Variants in ADCY1 observed in about 807,000 individuals in gnomAD.
The protein encoded by ADCY1 is adenylate cyclase 1.
A neutral mutation model predicts 105.4 loss-of-function variants in ADCY1; 28 were observed. That is an observed-to-expected ratio of 0.27 (90% CI 0.20 to 0.36). ADCY1 has a LOEUF of 0.36. Ranked by LOEUF, ADCY1 falls within the 10% of genes least tolerant of loss-of-function variation. ADCY1 has a pLI of 1.00. For missense variants in ADCY1, 977 were observed against 1,434.2 expected, an observed-to-expected ratio of 0.68 and a Z score of 5.15; for synonymous variants, 655 against 623.8, an observed-to-expected ratio of 1.05 and a Z score of -0.75.
chr7:45,584,584 A>G (rs930821667), intron 1 of ADCY1, among the ~76,000 whole-genome samples: 2 of 152,198 alleles, frequency 1.3e-5, no homozygotes, highest in African/African-American at 4.8e-5. Flanking sequence ...GTCCCTGGAC[A>G]TGGTCCTTCT....
At chr7:45,683,098 A>T (rs1784593439) in intron 11 of ADCY1, among the ~76,000 whole-genome samples, 1 of 152,150 alleles carries the variant, frequency 6.6e-6, no homozygotes, top group Admixed American at 6.5e-5. Context: ...AAATAGAATG[A>T]CTGGTGTCCA....
chr7:45,587,502 C>A (rs778745180), intron 1 of ADCY1, among the ~76,000 whole-genome samples: 1 of 152,120 alleles, frequency 6.6e-6, no homozygotes, highest in Non-Finnish European at 1.5e-5. Context: ...TTGAGAAGGA[C>A]AGAGAGAGAA....
chr7:45,577,043 C>G (rs1340423864), intron 1 of ADCY1, among the ~76,000 whole-genome samples: 2 of 152,186 alleles, frequency 1.3e-5, no homozygotes, highest in East Asian at 3.9e-4. Flanking sequence ...AACTCTGCCT[C>G]TCCCCCTGGG....
intron 17 of ADCY1, among the ~76,000 whole-genome samples, chr7:45,705,813 A>G (rs1012052164): frequency 1.4e-4 from 21 of 152,332 alleles, no homozygotes; most frequent in African/African-American, 4.6e-4. Context: ...AACAACAGCA[A>G]TAACAGAAAA....
At chr7:45,672,106 A>G (rs1460383044) in intron 8 of ADCY1, among the ~76,000 whole-genome samples, 1 of 152,126 alleles carries the variant, frequency 6.6e-6, no homozygotes, top group African/African-American at 2.4e-5. Context: ...TTTTGAGTTC[A>G]TTTTTTAATA....
In ADCY1 at chr7:45,721,873, G is replaced by T; in HGVS notation, c.*7878G>T. ...AGGTTGCTTTCAAAAGAGCTTTCAG[G>T]CACTTATTGAGAATTAATGTTTAAA... On this transcript the variant is annotated 3_prime_UTR_variant, in exon 20 of 20. Coordinates refer to ENST00000297323, the MANE Select transcript of ADCY1 (RefSeq NM_021116.4). 1 of 398,602 alleles carries T rather than the reference G, an allele frequency of 2.5e-6. No individual in the cohort carries two copies. The highest frequency in any genetic ancestry group is 4.4e-6 in the Non-Finnish European group (1 of 226,084). 24.7% of individuals were successfully genotyped at this position (398,602 alleles called of 1,614,324 possible).
At chr7:45,630,349 G>T (rs1034455502) in intron 4 of ADCY1, among the ~76,000 whole-genome samples, 8 of 152,138 alleles carry the variant, frequency 5.3e-5, no homozygotes, top group African/African-American at 1.7e-4. Context: ...CTATAACTGT[G>T]TGTTGGTTTC....
rs1287229018 is a variant in ADCY1, at chr7:45,722,861, A to T, written c.*8866A>T. On this transcript the variant is annotated 3_prime_UTR_variant, in exon 20 of 20. Coordinates refer to ENST00000297323, the MANE Select transcript of ADCY1 (RefSeq NM_021116.4). ...CTCTCACTGGGTAACTTCTCATGATAGATTTGTATGATCAATACGGGTCTA... is the reference window on the plus strand; with the variant it reads ...CTCTCACTGGGTAACTTCTCATGATTGATTTGTATGATCAATACGGGTCTA... The T allele has an allele frequency of 6.5e-6, 1 of 152,674 alleles. No homozygotes were observed. The highest frequency in any genetic ancestry group is 6.5e-5 in the Admixed American group (1 of 15,286). The allele number at this position is 152,674 out of a possible 1,614,324, so 9.5% of individuals were successfully genotyped here. A position where few individuals can be genotyped will look rare whatever the true frequency, so the allele number is the denominator to read the frequency against.
intron 11 of ADCY1, chr7:45,680,759 A>G (rs747165920): frequency 6.6e-6 from 1 of 152,274 alleles, no homozygotes; most frequent in Non-Finnish European, 1.5e-5. Context: ...TTCAAGTGAA[A>G]GCAGGACAGA....
chr7:45,679,637 T>G, intron 10 of ADCY1, 72 bp from the exon 11 acceptor site: 1 of 1,511,376 alleles, frequency 6.6e-7, no homozygotes. Flanking sequence ...AGGGGCCAAT[T>G]CTCAGCCATC....
At chr7:45,587,601 T>C (rs1409896593) in intron 1 of ADCY1, among the ~76,000 whole-genome samples, 1 of 151,996 alleles carries the variant, frequency 6.6e-6, no homozygotes, top group East Asian at 1.9e-4. Flanking sequence ...GGGATGATGA[T>C]GTCAAATTGG....
intron 4 of ADCY1, among the ~76,000 whole-genome samples, chr7:45,624,959 C>T (rs1015963239): frequency 6.6e-6 from 1 of 152,210 alleles, no homozygotes; most frequent in Non-Finnish European, 1.5e-5. Context: ...TTGGGTCAGC[C>T]CAGGCCCTTT....
chr7:45,709,809 C>T (rs34101422), intron 18 of ADCY1, among the ~76,000 whole-genome samples: 2,129 of 152,294 alleles, frequency 0.014, 19 homozygotes, highest in South Asian at 0.048. Flanking sequence ...CTGCCGAGGA[C>T]GGGCCAGGCG....
chr7:45,693,059 C>G (rs1171160205), intron 14 of ADCY1, among the ~76,000 whole-genome samples: 1 of 152,176 alleles, frequency 6.6e-6, no homozygotes, highest in African/African-American at 2.4e-5. Context: ...GCAAGAAATT[C>G]TTCTATCTAT....
intron 14 of ADCY1, among the ~76,000 whole-genome samples, chr7:45,692,950 G>T (rs888965748): frequency 6.6e-6 from 1 of 152,156 alleles, no homozygotes; most frequent in Non-Finnish European, 1.5e-5. Flanking sequence ...TAATGTTAGC[G>T]GGTAATAAAG....
rs556791956 is a variant in ADCY1 at position 45,609,465 on chromosome 7, C to T, written c.790-914C>T. On this transcript the variant is annotated intron_variant, in intron 2 of 19. Coordinates refer to ENST00000297323, the MANE Select transcript of ADCY1 (RefSeq NM_021116.4). ...CGGAGGGGCTTGGAGCCAGAGGGCG[C>T]GGTGGGAGGGATGGAGCTTCTTCCC... Among the ~76,000 whole-genome samples, 22 of 152,298 alleles carry T rather than the reference C, an allele frequency of 1.4e-4. No individual in the cohort carries two copies. In the South Asian group the frequency reaches 2.1e-3, roughly 14 times the overall value.
At chr7:45,619,544 T>TAC (rs914360017) in intron 3 of ADCY1, among the ~76,000 whole-genome samples, 1 of 152,072 alleles carries the variant, frequency 6.6e-6, no homozygotes, top group Non-Finnish European at 1.5e-5. Flanking sequence ...TTATACAACA[T>TAC]ACACACACAC....
At chr7:45,585,992 A>G (rs912783580) in intron 1 of ADCY1, among the ~76,000 whole-genome samples, 4 of 152,134 alleles carry the variant, frequency 2.6e-5, no homozygotes, top group African/African-American at 4.8e-5. Context: ...GTGTTGAGAC[A>G]CGTGGGGAGC....
intron 14 of ADCY1, among the ~76,000 whole-genome samples, chr7:45,701,834 C>G (rs1431784949): frequency 6.6e-6 from 1 of 152,204 alleles, no homozygotes; most frequent in African/African-American, 2.4e-5. Context: ...GAGTGTGGCT[C>G]CAGCCCATCT....
Sources: allele counts gnomAD v4.1 joint callset (sites outside exome capture counted in the v4.1 genomes callset), GRCh38; gene constraint gnomAD v4.1.1; transcripts MANE v1.5; gene names NCBI Gene and HGNC (gene_info 2026-07-23, HGNC 2026-07-21).